The following ARNT2 variants were observed in gnomAD, a reference collection of about 807,000 sequenced individuals.
The protein encoded by ARNT2 is ARNT protein 2.
A neutral mutation model predicts 91.7 loss-of-function variants in ARNT2; 36 were observed. The observed-to-expected ratio is 0.39, with a 90% CI of 0.30 to 0.52. The LOEUF is 0.52. ARNT2 is among the 20% of genes least tolerant of loss of function. The pLI, the probability that ARNT2 is intolerant of heterozygous loss-of-function variation, is 0.72. For missense variants in ARNT2, 775 were observed against 939.3 expected, an observed-to-expected ratio of 0.83 and a Z score of 2.29; for synonymous variants, 365 against 347.1, an observed-to-expected ratio of 1.05 and a Z score of -0.57.
intron 1 of ARNT2, among the ~76,000 whole-genome samples, chr15:80,448,771 C>T (rs1896342704): frequency 1.3e-5 from 2 of 152,170 alleles, no homozygotes; most frequent in Non-Finnish European, 1.5e-5. Flanking sequence ...ATCATGAGGT[C>T]AGGAGATGGA....
At position 80,586,213 on chromosome 15, in the gene ARNT2, G is replaced by A. The variant is rs539990117; in HGVS notation, c.1918+4809G>A. On this transcript the variant is annotated intron_variant, in intron 17 of 18. Transcript: ENST00000303329. ...GTAGCAGACCAGGTTTCAATTCCTT[G>A]ACTTGCTCCAAGTGTGGCATACACA... Among the ~76,000 whole-genome samples the A allele has an allele frequency of 3.9e-5, 6 of 152,260 alleles. No individual in the cohort carries two copies. The South Asian group carries it at 1.2e-3, about 32-fold the overall frequency.
intron 5 of ARNT2, among the ~76,000 whole-genome samples, chr15:80,505,855 A>G (rs1034689257): frequency 8.6e-5 from 13 of 151,938 alleles, no homozygotes; most frequent in African/African-American, 2.7e-4. Flanking sequence ...TGCCCAAGAG[A>G]CAGTTGTACA....
At chr15:80,536,602 A>G (rs1185837572) in intron 8 of ARNT2, among the ~76,000 whole-genome samples, 1 of 152,202 alleles carries the variant, frequency 6.6e-6, no homozygotes, top group Admixed American at 6.5e-5. Context: ...TCTTTGTTAG[A>G]AAAGAAAATG....
intron 12 of ARNT2, among the ~76,000 whole-genome samples, chr15:80,569,342 G>A (rs901966376): frequency 4.6e-5 from 7 of 152,226 alleles, no homozygotes; most frequent in African/African-American, 1.7e-4. Context: ...ACTGGCTGTG[G>A]TAGGAACCCA....
Position 80,499,928 on chromosome 15 carries a change from C to G in ARNT2, c.623-8228C>G, listed in dbSNP as rs187140984. Among the ~76,000 whole-genome samples the G allele has an allele frequency of 4.5e-3, 685 of 152,294 alleles. 3 individuals carry two copies. The highest frequency in any genetic ancestry group is 8.1e-3 in the Non-Finnish European group (550 of 68,026). On this transcript the variant is annotated intron_variant, in intron 5 of 18. Transcript: ENST00000303329. ...AGAGTAAGAGATGTCTTATGCAACT[C>G]TACTGCCCATTCAGAGCTCCCTCTT...
intron 8 of ARNT2, among the ~76,000 whole-genome samples, chr15:80,539,878 A>G (rs1897879893): frequency 6.6e-6 from 1 of 151,732 alleles, no homozygotes; most frequent in Admixed American, 6.6e-5. Flanking sequence ...AAGACAAAAA[A>G]TATTAATAAT....
At chr15:80,537,142 A>G (rs1897838965) in intron 8 of ARNT2, among the ~76,000 whole-genome samples, 2 of 152,176 alleles carry the variant, frequency 1.3e-5, no homozygotes, top group Admixed American at 1.3e-4. Flanking sequence ...GTCCTGCTCC[A>G]AGGAACCTTC....
chr15:80,563,703 A>G (rs1898415364), intron 12 of ARNT2, among the ~76,000 whole-genome samples: 1 of 152,132 alleles, frequency 6.6e-6, no homozygotes, highest in South Asian at 2.1e-4. Context: ...TAGGCACCTC[A>G]AGGACACATG....
At chr15:80,464,329 G>C (rs1020358168) in intron 3 of ARNT2, among the ~76,000 whole-genome samples, 7 of 151,808 alleles carry the variant, frequency 4.6e-5, no homozygotes, top group Non-Finnish European at 8.8e-5. Context: ...TGGGGGTGGG[G>C]GGTTGCAAGG....
At chr15:80,553,215 T>G (rs1221214586) in intron 10 of ARNT2, among the ~76,000 whole-genome samples, 2 of 152,208 alleles carry the variant, frequency 1.3e-5, no homozygotes, top group East Asian at 3.8e-4. Flanking sequence ...TTCTAGACTC[T>G]TTTTTGAAAA....
At chr15:80,577,990 G>A (rs572438995) in intron 15 of ARNT2, among the ~76,000 whole-genome samples, 4 of 152,318 alleles carry the variant, frequency 2.6e-5, no homozygotes, top group East Asian at 1.9e-4. Context: ...CGCAGGTCAC[G>A]CTGCTCTGCT....
chr15:80,405,336 G>T (rs1895583463), intron 1 of ARNT2, among the ~76,000 whole-genome samples: 1 of 152,184 alleles, frequency 6.6e-6, no homozygotes, highest in Non-Finnish European at 1.5e-5. Context: ...GAAGAGAAAC[G>T]TGAACATCTA....
chr15:80,512,494 CCTCTTT>C (rs2141427135), intron 6 of ARNT2, among the ~76,000 whole-genome samples: 1 of 152,322 alleles, frequency 6.6e-6, no homozygotes, highest in Admixed American at 6.5e-5. Context: ...ACTGCCTGCC[CCTCTTT>C]CAGCAGCAGG....
rs942094233 is a variant in ARNT2, at chr15:80,597,035, T to C, written c.*3337T>C. On this transcript the variant is annotated 3_prime_UTR_variant, in exon 19 of 19. Coordinates refer to ENST00000303329, the MANE Select transcript of ARNT2 (RefSeq NM_014862.4). Reference sequence around the variant, plus strand: ...TACACTGTTGTTATTTCATGAGACGTGAATGTTGCAGAGAGTGGGGGGATT... The same window carrying C: ...TACACTGTTGTTATTTCATGAGACGCGAATGTTGCAGAGAGTGGGGGGATT... The C allele has an allele frequency of 1.1e-5, 5 of 437,606 alleles. No homozygotes were observed. Among genetic ancestry groups the C allele is most frequent in the African/African-American group, 4.0e-5 (2 of 49,670 alleles). The allele number at this position is 437,606 out of a possible 1,614,324, so 27.1% of individuals were successfully genotyped here. A position where few individuals can be genotyped will look rare whatever the true frequency, so the allele number is the denominator to read the frequency against.
At chr15:80,475,388 A>T (rs1896787148) in intron 5 of ARNT2, 165 bp downstream of exon 5, 1 of 668,968 alleles carries the variant, frequency 1.5e-6, no homozygotes, top group African/African-American at 1.8e-5. Context: ...CCCCGTCTCT[A>T]CAAAAAATAC....
At chr15:80,522,523 C>T (rs978033083) in intron 8 of ARNT2, among the ~76,000 whole-genome samples, 2 of 152,032 alleles carry the variant, frequency 1.3e-5, no homozygotes, top group Non-Finnish European at 2.9e-5. Context: ...GGTGGTATAG[C>T]CTACTACACA....
chr15:80,557,712 C>T (rs1334282738), intron 11 of ARNT2, among the ~76,000 whole-genome samples: 1 of 152,102 alleles, frequency 6.6e-6, no homozygotes, highest in African/African-American at 2.4e-5. Context: ...AAGAAACATC[C>T]TTAGCCCTTC....
At chr15:80,510,384 A>G (rs754869037) in intron 6 of ARNT2, among the ~76,000 whole-genome samples, 1 of 152,218 alleles carries the variant, frequency 6.6e-6, no homozygotes, top group Non-Finnish European at 1.5e-5. Flanking sequence ...AAAAGTGGGC[A>G]AAGGACGTGA....
Position 80,580,417 on chromosome 15 carries a change from AGTG to A in ARNT2, c.1623_1625del (p.Val542del). ...GCATTTTCCTCTTTTCTAGCTCTTC[AGTG>A]GTTCATGTGCCTGGAGTGAATGATA... is the stretch of plus-strand genomic sequence containing the variant. On this transcript the variant is annotated inframe_deletion, in exon 16 of 19. Transcript: ENST00000303329. 6.2e-7 allele frequency: 1 copy of A among 1,614,132 alleles called. No individual in the cohort carries two copies. The highest frequency in any genetic ancestry group is 2.2e-5 in the East Asian group (1 of 44,876).
Sources: gnomAD v4.1 joint callset for allele counts (sites outside exome capture counted in the v4.1 genomes callset) on GRCh38, gnomAD v4.1.1 for gene constraint, MANE v1.5 for transcripts, NCBI Gene and HGNC (gene_info 2026-07-23, HGNC 2026-07-21) for gene names.